Variants in RPS6KA5 observed in about 807,000 individuals in gnomAD.
RPS6KA5 encodes ribosomal protein S6 kinase alpha-5.
Under a neutral mutation model 85.5 loss-of-function variants are expected in RPS6KA5, and 27 were observed. The ratio of observed to expected loss-of-function variants is 0.32; its 90% confidence interval spans 0.23 to 0.44. RPS6KA5 has a LOEUF of 0.44. RPS6KA5 is among the 20% of genes least tolerant of loss of function. The pLI is 1.00. For synonymous variants in RPS6KA5, 334 were observed against 348.2 expected (o/e 0.96, Z 0.46); for missense variants, 811 against 980.9 (o/e 0.83, Z 2.31).
rs774649556 is a variant in RPS6KA5, at chr14:90,862,459, CTT to C, written c.*9613_*9614del. On this transcript the variant is annotated 3_prime_UTR_variant, in exon 17 of 17. Transcript: ENST00000614987. ...CCTCCTCCTCCTCCTCCTCCTCCTT[CTT>C]CTTCTTCTTCTTCTTCTTTTTTTAA... 6,196 of 100,432 alleles carry C rather than the reference CTT, an allele frequency of 0.062. 165 individuals carry two copies. The highest frequency in any genetic ancestry group is 0.1 in the Middle Eastern group (20 of 196). 6.2% of individuals were successfully genotyped at this position (100,432 alleles called of 1,614,324 possible). A position where few individuals can be genotyped will look rare whatever the true frequency, so the allele number is the denominator to read the frequency against.
chr14:91,009,795 G>T (rs2041181266), intron 1 of RPS6KA5, among the ~76,000 whole-genome samples: 1 of 152,152 alleles, frequency 6.6e-6, no homozygotes, highest in African/African-American at 2.4e-5. Context: ...CTAGGAGAAA[G>T]GCAATGGCTA....
chr14:90,982,892 T>C (rs1410870416), intron 2 of RPS6KA5, among the ~76,000 whole-genome samples: 2 of 152,040 alleles, frequency 1.3e-5, no homozygotes, highest in African/African-American at 4.8e-5. Flanking sequence ...GGCGGGCAGA[T>C]CATGAGGTCA....
intron 1 of RPS6KA5, among the ~76,000 whole-genome samples, chr14:91,053,782 C>T (rs1187250849): frequency 6.6e-6 from 1 of 152,150 alleles, no homozygotes; most frequent in African/African-American, 2.4e-5. Flanking sequence ...CAAAGTTTAA[C>T]TAAAAATTCA....
rs2032356388 is a variant in RPS6KA5 at position 90,857,735 on chromosome 14, C to T, written c.*14339G>A. The T allele has an allele frequency of 6.6e-6, 1 of 152,056 alleles. No homozygotes were observed. The highest frequency in any genetic ancestry group is 2.4e-5 in the African/African-American group (1 of 41,408). 9.4% of individuals were successfully genotyped at this position (152,056 alleles called of 1,614,324 possible). ...ATTCCAGTCTCTTTTTTCTCACTCC[C>T]AACCCCCACACAAGAAAAGTCTATT... On this transcript the variant is annotated 3_prime_UTR_variant, in exon 17 of 17. Coordinates refer to ENST00000614987, the MANE Select transcript of RPS6KA5 (RefSeq NM_004755.4).
At chr14:91,020,563 TG>T (rs2139789092) in intron 1 of RPS6KA5, among the ~76,000 whole-genome samples, 2 of 143,664 alleles carry the variant, frequency 1.4e-5, no homozygotes, top group Admixed American at 1.4e-4. Context: ...TGTGTGTGTG[TG>T]TGTGTGTGTG....
At chr14:90,966,327 C>T (rs1378178343) in intron 3 of RPS6KA5, among the ~76,000 whole-genome samples, 1 of 152,126 alleles carries the variant, frequency 6.6e-6, no homozygotes, top group African/African-American at 2.4e-5. Flanking sequence ...AGAGAAGCAA[C>T]ATCCTCCAAA....
At chr14:90,902,183 TA>T (rs997092786) in intron 9 of RPS6KA5, among the ~76,000 whole-genome samples, 20 of 141,792 alleles carry the variant, frequency 1.4e-4, no homozygotes, top group Middle Eastern at 3.5e-3. Flanking sequence ...CCTTGTTTCT[TA>T]AAAAAAAAAA....
At chr14:91,050,498 G>A (rs1251543363) in intron 1 of RPS6KA5, among the ~76,000 whole-genome samples, 6 of 152,096 alleles carry the variant, frequency 3.9e-5, no homozygotes, top group East Asian at 1.9e-4. Context: ...GCACAATCTC[G>A]GCTCACTGCA....
chr14:90,908,637 AG>A (rs1035570750), intron 7 of RPS6KA5, among the ~76,000 whole-genome samples: 5 of 152,188 alleles, frequency 3.3e-5, no homozygotes, highest in African/African-American at 1.2e-4. Flanking sequence ...TGGCGTGGTG[AG>A]GAGAAAGGGC....
chr14:90,894,404 A>C lies in RPS6KA5; in HGVS notation c.1644+9T>G. ...ACTGAATTACGTAAGAGATCCAGTG[A>C]TTTTATACCTCAGGTTTCAGATCCC... On this transcript the variant is annotated intron_variant, in intron 13 of 16. Transcript: ENST00000614987. 6.2e-7 allele frequency: 1 copy of C among 1,612,568 alleles called. No individual in the cohort carries two copies. Among genetic ancestry groups the C allele is most frequent in the Non-Finnish European group, 8.5e-7 (1 of 1,178,910 alleles).
At chr14:90,935,954 C>T (rs1400740403) in intron 5 of RPS6KA5, among the ~76,000 whole-genome samples, 1 of 151,988 alleles carries the variant, frequency 6.6e-6, no homozygotes, top group Admixed American at 6.6e-5. Context: ...ACTTTACCAA[C>T]ACTTTTTTTA....
intron 2 of RPS6KA5, among the ~76,000 whole-genome samples, chr14:90,999,826 C>G (rs1021198821): frequency 4.6e-5 from 7 of 152,152 alleles, no homozygotes; most frequent in African/African-American, 1.7e-4. Flanking sequence ...TTAAGTCAGC[C>G]CTGATTTCTG....
At position 90,890,539 on chromosome 14, in the gene RPS6KA5, T is replaced by A; in HGVS notation, c.1784A>T (p.Asn595Ile). The stretch of plus-strand genomic sequence containing the variant: ...ACAGGACTCATCGTAGCCGTTCTGA[T>A]TCAAGAGCTCTGGGGCGGCATAATG... The part of the protein sequence containing the change: ...TLHYAAPELL[N>I]QNGYDESCDL... The change falls in exon 14 of 17, where the codon AAT (asparagine) becomes ATT (isoleucine). Residue 595 changes from asparagine to isoleucine, a missense_variant. Around this residue, in one of 3 missense-constraint regions of RPS6KA5, gnomAD observed 650 missense variants for 793.4 expected, o/e 0.82. Coordinates refer to ENST00000614987, the MANE Select transcript of RPS6KA5 (RefSeq NM_004755.4). 6.2e-7 allele frequency: 1 copy of A among 1,614,168 alleles called. No individual in the cohort carries two copies. The highest frequency in any genetic ancestry group is 8.5e-7 in the Non-Finnish European group (1 of 1,180,018).
At chr14:90,965,936 T>C (rs1364874734) in intron 3 of RPS6KA5, among the ~76,000 whole-genome samples, 1 of 152,100 alleles carries the variant, frequency 6.6e-6, no homozygotes, top group Non-Finnish European at 1.5e-5. Flanking sequence ...AGGAAAATGA[T>C]GGAAGATTAT....
At chr14:91,017,592 C>T (rs538087673) in intron 1 of RPS6KA5, among the ~76,000 whole-genome samples, 1 of 152,314 alleles carries the variant, frequency 6.6e-6, no homozygotes, top group Non-Finnish European at 1.5e-5. Flanking sequence ...CAAGGTTCTC[C>T]AAGAAGCTGT....
chr14:91,017,078 T>G (rs537133401), intron 1 of RPS6KA5, among the ~76,000 whole-genome samples: 83 of 152,260 alleles, frequency 5.5e-4, no homozygotes, highest in African/African-American at 1.9e-3. Context: ...GAGATGGTGG[T>G]TACGCATGGG....
intron 1 of RPS6KA5, among the ~76,000 whole-genome samples, chr14:91,058,865 A>C (rs1164345364): frequency 6.6e-6 from 1 of 152,256 alleles, no homozygotes; most frequent in Non-Finnish European, 1.5e-5. Flanking sequence ...TCTTGAATTA[A>C]GTCACCACAC....
intron 1 of RPS6KA5, among the ~76,000 whole-genome samples, chr14:91,008,337 A>T (rs1161317255): frequency 6.6e-6 from 1 of 152,274 alleles, no homozygotes; most frequent in Non-Finnish European, 1.5e-5. Context: ...GCCAGATTTT[A>T]TTCAATGAAT....
chr14:91,058,802 C>CA (rs112550299), intron 1 of RPS6KA5, among the ~76,000 whole-genome samples: 5,144 of 151,988 alleles, frequency 0.034, 152 homozygotes, highest in African/African-American at 0.087. Context: ...TCACAATGAC[C>CA]AAAAAAACAA....
Sources: gnomAD v4.1 joint callset for allele counts (sites outside exome capture counted in the v4.1 genomes callset) on GRCh38, gnomAD v4.1.1 for gene constraint, gnomAD v4.1.1 regional missense constraint, MANE v1.5 for transcripts, NCBI Gene and HGNC (gene_info 2026-07-23, HGNC 2026-07-21) for gene names.